ZNF680: variants seen among roughly 807,000 people sequenced by gnomAD.
ZNF680 encodes hypothetical protein FLJ90430.
Under a neutral mutation model 12.1 loss-of-function variants are expected in ZNF680, and 6 were observed. That is an observed-to-expected ratio of 0.49 (90% confidence interval 0.27 to 0.98). ZNF680 has a LOEUF of 0.98. Among genes scored for constraint, ZNF680 ranks in the 50% least tolerant of loss-of-function variants. ZNF680 has a pLI of 0.12. For synonymous variants in ZNF680, 170 were observed against 199.3 expected (o/e 0.85, Z 1.24); for missense variants, 561 against 616.3 (o/e 0.91, Z 0.95).
intron 1 of ZNF680, among the ~76,000 whole-genome samples, chr7:64,557,657 G>A (rs1037057068): frequency 2.6e-5 from 4 of 152,224 alleles, no homozygotes; most frequent in Non-Finnish European, 4.4e-5. Flanking sequence ...GGAGGCTGAG[G>A]CAGGCAGATC....
chr7:64,528,644 C>T (rs1227401173), intron 3 of ZNF680, among the ~76,000 whole-genome samples: 2 of 152,150 alleles, frequency 1.3e-5, no homozygotes, highest in African/African-American at 4.8e-5. Flanking sequence ...AACTTCACCC[C>T]CATCCTCAAA....
rs34095496 is a variant in ZNF680, at chr7:64,546,539, C to G, written c.31-2107G>C. Among the ~76,000 whole-genome samples, 1,508 of 152,250 alleles carry G rather than the reference C, an allele frequency of 9.9e-3. 22 individuals carry two copies. The highest frequency in any genetic ancestry group is 0.044 in the Middle Eastern group (13 of 294). On this transcript the variant is annotated intron_variant, in intron 1 of 3. Transcript: ENST00000309683. ...GGTGGATTGCCCGAGCTCAGGAATT[C>G]GAGACCAGCCTGGGCAACATGGTGA...
the ZNF680 span, among the ~76,000 whole-genome samples, chr7:64,512,661 T>C: frequency 6.6e-6 from 1 of 152,060 alleles, no homozygotes; most frequent in African/African-American, 2.4e-5. Flanking sequence ...CCTAGCCCTG[T>C]AAATAAAAAC....
chr7:64,539,369 A>G (rs201839964), intron 3 of ZNF680, among the ~76,000 whole-genome samples: 6,216 of 114,466 alleles, frequency 0.054, 253 homozygotes, highest in East Asian at 0.16. Flanking sequence ...AAAAAAAAAA[A>G]AAAAAAGAAA....
intron 3 of ZNF680, among the ~76,000 whole-genome samples, chr7:64,523,868 G>A (rs562664343): frequency 2.1e-4 from 31 of 151,196 alleles, no homozygotes; most frequent in Non-Finnish European, 3.8e-4. Flanking sequence ...AGCTGAGATC[G>A]CGCCACTGCA....
At chr7:64,512,457 C>CAAAAAAAAAAA in the ZNF680 span, among the ~76,000 whole-genome samples, 2 of 87,240 alleles carry the variant, frequency 2.3e-5, no homozygotes, top group Non-Finnish European at 4.5e-5. Flanking sequence ...CCGTCTCCAG[C>CAAAAAAAAAAA]AAAAAAAAAA....
chr7:64,503,183 C>T, the ZNF680 span, among the ~76,000 whole-genome samples: 3 of 152,078 alleles, frequency 2.0e-5, no homozygotes, highest in Non-Finnish European at 4.4e-5. Context: ...TAGATGGATG[C>T]GGCTCAACAA....
At chr7:64,544,232 C>T (rs761141280) in intron 2 of ZNF680, 74 bp downstream of exon 2, 1 of 1,532,502 alleles carries the variant, frequency 6.5e-7, no homozygotes, top group Non-Finnish European at 8.8e-7. Context: ...GCACAAATTA[C>T]CACAAGTTAT....
intron 3 of ZNF680, chr7:64,526,554 A>C (rs755418615): frequency 1.1e-5 from 5 of 445,008 alleles, no homozygotes; most frequent in South Asian, 5.4e-5. Flanking sequence ...AAATGAGTCC[A>C]TTATTTAAAA....
At chr7:64,546,136 G>C (rs755847496) in intron 1 of ZNF680, among the ~76,000 whole-genome samples, 1 of 152,158 alleles carries the variant, frequency 6.6e-6, no homozygotes, top group Admixed American at 6.5e-5. Flanking sequence ...GTAAAGGTTT[G>C]CAAGTACTAA....
rs777736831 is a variant in ZNF680 at position 64,521,734 on chromosome 7, A to T, written c.1020T>A (p.His340Gln). 4 of 1,612,572 alleles carry T rather than the reference A, an allele frequency of 2.5e-6. No homozygotes were observed. In the South Asian group the frequency reaches 4.4e-5, roughly 18 times the overall value. Residue 340 changes from histidine to glutamine, a missense_variant, in exon 4 of 4, where the codon CAT becomes CAA. Coordinates refer to ENST00000309683, the MANE Select transcript of ZNF680 (RefSeq NM_178558.5). ...DFNQFSNLTK[H>Q]KKIHTGEKPY... ...GTTTCTCTCCAGTATGAATTTTCTT[A>T]TGTTTAGTAAGGTTTGAAAACTGGT...
intron 1 of ZNF680, among the ~76,000 whole-genome samples, chr7:64,559,207 T>TGGGA: frequency 6.6e-6 from 1 of 152,326 alleles, no homozygotes; most frequent in Non-Finnish European, 1.5e-5. Context: ...TTCCCAGCTT[T>TGGGA]ACTTTTGGCA....
At chr7:64,528,958 T>C (rs993975054) in intron 3 of ZNF680, among the ~76,000 whole-genome samples, 2 of 152,122 alleles carry the variant, frequency 1.3e-5, no homozygotes, top group African/African-American at 4.8e-5. Context: ...CAGGTGCTGG[T>C]ATCCACAGCT....
chr7:64,539,130 C>CAAAAAAAA (rs529165573), intron 3 of ZNF680, among the ~76,000 whole-genome samples: 2 of 77,704 alleles, frequency 2.6e-5, no homozygotes, highest in African/African-American at 5.3e-5. Context: ...GACTCCATCT[C>CAAAAAAAA]AAAAAAAAAA....
chr7:64,501,340 AATTCT>A, the ZNF680 span: 1 of 1,225,354 alleles, frequency 8.2e-7, no homozygotes, highest in Non-Finnish European at 1.2e-6. Flanking sequence ...AAGTGGCTTC[AATTCT>A]AAGAGTGGAC....
chr7:64,527,630 G>A (rs1306756934), intron 3 of ZNF680, among the ~76,000 whole-genome samples: 1 of 152,028 alleles, frequency 6.6e-6, no homozygotes, highest in East Asian at 1.9e-4. Context: ...GGGAGGCAGA[G>A]GTTGTGGTGA....
chr7:64,510,909 C>CAA, the ZNF680 span, among the ~76,000 whole-genome samples: 2 of 45,324 alleles, frequency 4.4e-5, no homozygotes, highest in African/African-American at 3.2e-4. Flanking sequence ...GACTCCGTCT[C>CAA]AAAAAAAAAA....
Position 64,529,073 on chromosome 7 carries a change from TAAC to T in ZNF680, c.254-6576_254-6574del, listed in dbSNP as rs201611951. 2.8e-3 allele frequency among the ~76,000 whole-genome samples: 430 copies of T among 152,192 alleles called. 1 individual carries two copies. Among genetic ancestry groups the T allele is most frequent in the African/African-American group, 9.5e-3 (396 of 41,518 alleles). On this transcript the variant is annotated intron_variant, in intron 3 of 3. Transcript: ENST00000309683. ...TGGGTGGCTATACCTAGAAGGGAGATAACAATCAATACAGCTCGGCTCTCAGGA... is the reference window on the plus strand; with the variant it reads ...TGGGTGGCTATACCTAGAAGGGAGATAATCAATACAGCTCGGCTCTCAGGA...
chr7:64,553,252 CGTTT>C (rs1562773252), intron 1 of ZNF680, among the ~76,000 whole-genome samples: 1 of 151,826 alleles, frequency 6.6e-6, no homozygotes, highest in Non-Finnish European at 1.5e-5. Context: ...TATACTGAAT[CGTTT>C]ATTTAGCTAC....
Sources: allele counts gnomAD v4.1 joint callset (sites outside exome capture counted in the v4.1 genomes callset), GRCh38; gene constraint gnomAD v4.1.1; transcripts MANE v1.5; gene names NCBI Gene and HGNC (gene_info 2026-07-23, HGNC 2026-07-21).